Variants in LINGO2 observed in about 807,000 individuals in gnomAD.
The protein encoded by LINGO2 is leucine-rich repeat and immunoglobulin-like domain-containing nogo receptor-interacting protein 2.
Under a neutral mutation model 30.6 loss-of-function variants are expected in LINGO2, and 14 were observed. The ratio of observed to expected loss-of-function variants is 0.46; its 90% CI spans 0.30 to 0.72. The LOEUF is 0.72. LINGO2 is among the 30% of genes least tolerant of loss of function. The pLI, the probability that LINGO2 is intolerant of heterozygous loss-of-function variation, is 0.07. For synonymous variants in LINGO2, 317 were observed against 288.5 expected, an observed-to-expected ratio of 1.10 and a Z score of -1.00; for missense variants, 729 against 751.7, an observed-to-expected ratio of 0.97 and a Z score of 0.35.
chr9:28,480,717 T>TGA (rs1243577949), intron 1 of LINGO2, among the ~76,000 whole-genome samples: 2 of 152,138 alleles, frequency 1.3e-5, no homozygotes, highest in Non-Finnish European at 2.9e-5. Flanking sequence ...CCTAAAATGC[T>TGA]TTCAGGCTTT....
chr9:28,965,909 G>A, the LINGO2 span, among the ~76,000 whole-genome samples: 1 of 152,110 alleles, frequency 6.6e-6, no homozygotes, highest in Non-Finnish European at 1.5e-5. Context: ...GAAAATTTAA[G>A]TACGAATTTG....
intron 1 of LINGO2, among the ~76,000 whole-genome samples, chr9:28,512,046 C>T (rs538798486): frequency 8.5e-4 from 121 of 142,632 alleles, no homozygotes; most frequent in African/African-American, 3.2e-3. Flanking sequence ...GGATGGCAGG[C>T]GTGGAGGCCA....
At chr9:28,018,356 A>G (rs1822945249) in intron 4 of LINGO2, among the ~76,000 whole-genome samples, 1 of 152,216 alleles carries the variant, frequency 6.6e-6, no homozygotes, top group African/African-American at 2.4e-5. Context: ...AAATTGACAA[A>G]TGGGACCTAA....
intron 1 of LINGO2, among the ~76,000 whole-genome samples, chr9:28,608,196 A>G (rs889509820): frequency 6.6e-6 from 1 of 151,630 alleles, no homozygotes; most frequent in African/African-American, 2.4e-5. Flanking sequence ...TTCTCATTCT[A>G]TGGATTGATT....
chr9:29,018,840 C>T, the LINGO2 span, among the ~76,000 whole-genome samples: 42 of 152,246 alleles, frequency 2.8e-4, no homozygotes, highest in Admixed American at 5.2e-4. Context: ...TTTCTTAAAT[C>T]ATCTTTCTAG....
chr9:28,055,858 G>A (rs1824912159), intron 4 of LINGO2, among the ~76,000 whole-genome samples: 1 of 152,038 alleles, frequency 6.6e-6, no homozygotes, highest in Non-Finnish European at 1.5e-5. Flanking sequence ...ACTTACTTTG[G>A]TTTCGAAGGA....
At chr9:28,546,869 A>C (rs1821978235) in intron 1 of LINGO2, among the ~76,000 whole-genome samples, 1 of 152,086 alleles carries the variant, frequency 6.6e-6, no homozygotes, top group African/African-American at 2.4e-5. Context: ...CAGTTAAATT[A>C]GAGAAGTAGA....
At chr9:29,011,002 C>T in the LINGO2 span, among the ~76,000 whole-genome samples, 1 of 152,280 alleles carries the variant, frequency 6.6e-6, no homozygotes, top group South Asian at 2.1e-4. Context: ...ATTACTTAAC[C>T]TACCTAAGCT....
At chr9:27,955,450 C>A (rs1323715063) in intron 5 of LINGO2, among the ~76,000 whole-genome samples, 1 of 152,184 alleles carries the variant, frequency 6.6e-6, no homozygotes, top group Non-Finnish European at 1.5e-5. Context: ...ATCCTCTTTA[C>A]CTCTTTTCCG....
At chr9:28,934,800 A>G in the LINGO2 span, among the ~76,000 whole-genome samples, 1 of 152,184 alleles carries the variant, frequency 6.6e-6, no homozygotes. Flanking sequence ...AATTGCTTCA[A>G]TTTCCTCAAT....
At chr9:28,565,937 C>T (rs1027382853) in intron 1 of LINGO2, among the ~76,000 whole-genome samples, 2 of 152,068 alleles carry the variant, frequency 1.3e-5, no homozygotes, top group Non-Finnish European at 2.9e-5. Context: ...GGGCTTTACA[C>T]TCAATAGCTG....
At chr9:28,600,788 C>T (rs550581303) in intron 1 of LINGO2, among the ~76,000 whole-genome samples, 1 of 152,136 alleles carries the variant, frequency 6.6e-6, no homozygotes, top group East Asian at 1.9e-4. Context: ...ACGAGAATAG[C>T]CTGTTCACTT....
intron 4 of LINGO2, among the ~76,000 whole-genome samples, chr9:28,141,851 G>A (rs989360178): frequency 1.3e-5 from 2 of 152,170 alleles, no homozygotes; most frequent in Non-Finnish European, 2.9e-5. Context: ...AGCGGAGGGT[G>A]CAGTGAGCCG....
At chr9:28,264,048 C>T (rs1822659413) in intron 4 of LINGO2, among the ~76,000 whole-genome samples, 1 of 144,084 alleles carries the variant, frequency 6.9e-6, no homozygotes, top group Admixed American at 6.9e-5. Context: ...GCTCTCATTA[C>T]AGTTCTGCTG....
the LINGO2 span, among the ~76,000 whole-genome samples, chr9:28,766,103 T>C: frequency 6.6e-6 from 1 of 151,942 alleles, no homozygotes; most frequent in Non-Finnish European, 1.5e-5. Context: ...TGGTATGGCA[T>C]CAAACTAAAA....
At chr9:28,092,243 A>C (rs1587836124) in intron 4 of LINGO2, among the ~76,000 whole-genome samples, 1 of 152,156 alleles carries the variant, frequency 6.6e-6, no homozygotes, top group East Asian at 1.9e-4. Flanking sequence ...AGACACATGC[A>C]CACGTATTTT....
chr9:28,371,457 G>A (rs1485926451), intron 3 of LINGO2, among the ~76,000 whole-genome samples: 4 of 152,168 alleles, frequency 2.6e-5, no homozygotes, highest in Non-Finnish European at 5.9e-5. Context: ...CTCACATTCT[G>A]AGAGGGGCAA....
intron 5 of LINGO2, among the ~76,000 whole-genome samples, chr9:27,982,251 GCT>G (rs1395073456): frequency 6.6e-6 from 1 of 151,776 alleles, no homozygotes; most frequent in Non-Finnish European, 1.5e-5. Context: ...TCAGATGCAT[GCT>G]CTCAATTGCC....
chr9:28,758,109 G>T, the LINGO2 span, among the ~76,000 whole-genome samples: 1,453 of 152,062 alleles, frequency 9.6e-3, 15 homozygotes, highest in Middle Eastern at 0.054. Flanking sequence ...AAGGACTGTT[G>T]TATAGTCCAA....
Sources: allele counts gnomAD v4.1 joint callset (sites outside exome capture counted in the v4.1 genomes callset), GRCh38; gene constraint gnomAD v4.1.1; transcripts MANE v1.5; gene names NCBI Gene and HGNC (gene_info 2026-07-23, HGNC 2026-07-21).